The following SERGEF variants were observed in gnomAD, a reference collection of about 807,000 sequenced individuals.
The protein encoded by SERGEF is secretion-regulating guanine nucleotide exchange factor.
In SERGEF, 51 loss-of-function variants were observed where a neutral mutation model predicts 50.0. The observed-to-expected ratio is 1.02, with a 90% CI of 0.81 to 1.29. SERGEF has a LOEUF of 1.29. Among genes scored for constraint, SERGEF ranks in the 50% most tolerant of loss-of-function variants. The probability of loss-of-function intolerance (pLI) is 0.00; values close to 1 mark genes in which losing one functional copy is unlikely to be tolerated. For synonymous variants in SERGEF, 205 were observed against 212.4 expected, an observed-to-expected ratio of 0.97 and a Z score of 0.30; for missense variants, 521 against 557.0, an observed-to-expected ratio of 0.94 and a Z score of 0.65.
chr11:17,980,763 ATT>A (rs1453588213), intron 8 of SERGEF, among the ~76,000 whole-genome samples: 3 of 152,268 alleles, frequency 2.0e-5, no homozygotes, highest in East Asian at 3.9e-4. Flanking sequence ...CTTCAATTTT[ATT>A]TGTTTCCATA....
intron 10 of SERGEF, among the ~76,000 whole-genome samples, chr11:17,795,305 G>A (rs1849555006): frequency 6.6e-6 from 1 of 152,158 alleles, no homozygotes; most frequent in South Asian, 2.1e-4. Flanking sequence ...TGTCCCTAGG[G>A]TCCTGCTGTG....
At chr11:17,896,996 C>G (rs1031385142) in intron 9 of SERGEF, among the ~76,000 whole-genome samples, 9 of 152,012 alleles carry the variant, frequency 5.9e-5, no homozygotes, top group African/African-American at 2.2e-4. Context: ...AAAAATAAAG[C>G]TCTACCAAAA....
chr11:17,979,279 T>C (rs1258907102), intron 8 of SERGEF, among the ~76,000 whole-genome samples: 1 of 152,118 alleles, frequency 6.6e-6, no homozygotes, highest in Non-Finnish European at 1.5e-5. Flanking sequence ...CCTCAAGAAA[T>C]AGTAAGGCAT....
chr11:17,875,253 T>C (rs377308686), intron 10 of SERGEF, among the ~76,000 whole-genome samples: 12 of 152,338 alleles, frequency 7.9e-5, no homozygotes, highest in African/African-American at 2.6e-4. Context: ...GCTGTAACCG[T>C]AGGACCAATT....
At chr11:17,805,847 G>A (rs1336880517) in intron 10 of SERGEF, among the ~76,000 whole-genome samples, 1 of 152,164 alleles carries the variant, frequency 6.6e-6, no homozygotes, top group Non-Finnish European at 1.5e-5. Context: ...GACAATTCCA[G>A]TGCTGTGGTG....
intron 10 of SERGEF, among the ~76,000 whole-genome samples, chr11:17,816,572 G>C (rs1684722313): frequency 6.6e-6 from 1 of 152,196 alleles, no homozygotes; most frequent in Non-Finnish European, 1.5e-5. Context: ...TCCCCAACGT[G>C]TTTAAGGTCA....
At chr11:17,990,048 C>T (rs1026326208) in intron 7 of SERGEF, among the ~76,000 whole-genome samples, 4 of 152,170 alleles carry the variant, frequency 2.6e-5, no homozygotes, top group Admixed American at 6.5e-5. Flanking sequence ...AATAAGGAGT[C>T]AAATAGGGAC....
intron 10 of SERGEF, among the ~76,000 whole-genome samples, chr11:17,800,398 A>G (rs777229887): frequency 2.6e-5 from 4 of 152,178 alleles, no homozygotes; most frequent in Admixed American, 6.5e-5. Context: ...ACCTAATTAT[A>G]AGGTCATACT....
intron 10 of SERGEF, among the ~76,000 whole-genome samples, chr11:17,796,466 T>A (rs1849573497): frequency 6.6e-6 from 1 of 152,228 alleles, no homozygotes; most frequent in African/African-American, 2.4e-5. Context: ...ATGAATGCTG[T>A]CACTGTGGGA....
chr11:17,839,688 C>T lies in SERGEF; in HGVS notation c.1048+38520G>A, dbSNP rs146169965. ...AGAGCATGCAAACTCAAGCCATGTGCACACCATCCACGCGCACATGCCACA... is the reference window on the plus strand; with the variant it reads ...AGAGCATGCAAACTCAAGCCATGTGTACACCATCCACGCGCACATGCCACA... On this transcript the variant is annotated intron_variant, in intron 10 of 10. Coordinates refer to ENST00000265965, the MANE Select transcript of SERGEF (RefSeq NM_012139.4). Among the ~76,000 whole-genome samples, 288 of 152,270 alleles carry T rather than the reference C, an allele frequency of 1.9e-3. 1 individual carries two copies. The highest frequency in any genetic ancestry group is 6.7e-3 in the African/African-American group (280 of 41,562).
At chr11:17,906,629 C>T (rs1851846492) in intron 9 of SERGEF, among the ~76,000 whole-genome samples, 1 of 152,156 alleles carries the variant, frequency 6.6e-6, no homozygotes, top group Admixed American at 6.5e-5. Flanking sequence ...GGCCTGTTTC[C>T]TGACCCAGTT....
At chr11:17,852,143 T>C (rs1850725874) in intron 10 of SERGEF, among the ~76,000 whole-genome samples, 1 of 152,176 alleles carries the variant, frequency 6.6e-6, no homozygotes, top group African/African-American at 2.4e-5. Flanking sequence ...TCATCTGTGC[T>C]GCACAATAAC....
intron 4 of SERGEF, among the ~76,000 whole-genome samples, chr11:18,002,803 C>A (rs1252067778): frequency 6.6e-6 from 1 of 152,234 alleles, no homozygotes; most frequent in South Asian, 2.1e-4. Flanking sequence ...AGTACCTACA[C>A]ATAATGGTTG....
rs1849927021 is a variant in SERGEF, at chr11:17,814,315, T to C, written c.1049-25902A>G. Among the ~76,000 whole-genome samples the C allele has an allele frequency of 2.0e-5, 3 of 152,250 alleles. No individual in the cohort carries two copies. In the South Asian group the frequency reaches 6.2e-4, roughly 31 times the overall value. The stretch of plus-strand genomic sequence containing the variant: ...CTCTAAAAGCAAAGACTGAGGTTTA[T>C]TGGAGAAGTAATTCTATCTCCAGAC... On this transcript the variant is annotated intron_variant, in intron 10 of 10. Coordinates refer to ENST00000265965, the MANE Select transcript of SERGEF (RefSeq NM_012139.4).
rs1406889996 is a variant in SERGEF at position 17,888,887 on chromosome 11, TA to T, written c.1012-10644del. 2.0e-5 allele frequency among the ~76,000 whole-genome samples: 3 copies of T among 152,110 alleles called. No homozygotes were observed. Among genetic ancestry groups the T allele is most frequent in the African/African-American group, 7.2e-5 (3 of 41,396 alleles). On this transcript the variant is annotated intron_variant, in intron 9 of 10. Coordinates refer to ENST00000265965, the MANE Select transcript of SERGEF (RefSeq NM_012139.4). This position sits in a 1 kb window ranked among gnomAD's most constrained non-coding sequence, Gnocchi z 4.1. Reference sequence around the variant, plus strand: ...TTTGTACCACGAAGTAAGAAAGTGATAAAAGAGTAAAGGAGACGTGTCAAAA... The same window carrying T: ...TTTGTACCACGAAGTAAGAAAGTGATAAAGAGTAAAGGAGACGTGTCAAAA...
chr11:17,812,439 C>T (rs1849892692), intron 10 of SERGEF, among the ~76,000 whole-genome samples: 1 of 152,208 alleles, frequency 6.6e-6, no homozygotes, highest in East Asian at 1.9e-4. Flanking sequence ...TCAAATCTGA[C>T]AAGCAATGGT....
intron 9 of SERGEF, 128 bp downstream of exon 9, chr11:17,959,342 C>T (rs1828960570): frequency 3.7e-6 from 3 of 803,048 alleles, no homozygotes; most frequent in South Asian, 1.9e-5. Context: ...CTCCTTAGGG[C>T]AAGGACCTCT....
intron 10 of SERGEF, among the ~76,000 whole-genome samples, chr11:17,866,194 G>A (rs1460751354): frequency 6.6e-6 from 1 of 152,218 alleles, no homozygotes; most frequent in African/African-American, 2.4e-5. Flanking sequence ...AGCTAGACTT[G>A]AGTGCTAGTC....
chr11:17,837,035 A>C (rs912237079), intron 10 of SERGEF, among the ~76,000 whole-genome samples: 2 of 152,276 alleles, frequency 1.3e-5, no homozygotes, highest in Middle Eastern at 3.4e-3. Context: ...TATCTTTTAG[A>C]GGTATAAGAA....
Sources: allele counts gnomAD v4.1 joint callset (sites outside exome capture counted in the v4.1 genomes callset), GRCh38; gene constraint gnomAD v4.1.1; non-coding constraint Gnocchi (gnomAD v3.1); transcripts MANE v1.5; gene names NCBI Gene and HGNC (gene_info 2026-07-23, HGNC 2026-07-21).